Variants in CAMK1D observed in about 807,000 individuals in gnomAD.
CAMK1D encodes the protein calcium/calmodulin-dependent protein kinase type 1D.
In CAMK1D, 9 loss-of-function variants were observed where a neutral mutation model predicts 47.7. The observed-to-expected ratio is 0.19, with a 90% CI of 0.11 to 0.33. The LOEUF is 0.33. Ranked by LOEUF, CAMK1D falls within the 10% of genes least tolerant of loss-of-function variation. CAMK1D has a pLI of 1.00. For synonymous variants in CAMK1D, 184 were observed against 184.9 expected, an observed-to-expected ratio of 0.99 and a Z score of 0.04; for missense variants, 291 against 488.7, an observed-to-expected ratio of 0.60 and a Z score of 3.81.
At chr10:12,681,666 C>G (rs545253314) in intron 3 of CAMK1D, among the ~76,000 whole-genome samples, 2 of 152,302 alleles carry the variant, frequency 1.3e-5, no homozygotes, top group East Asian at 3.9e-4. Flanking sequence ...GCCCCATAGT[C>G]TTTGAAGAAG....
Position 12,734,423 on chromosome 10 carries a change from T to C in CAMK1D, c.300-26525T>C, listed in dbSNP as rs1234654309. Among the ~76,000 whole-genome samples the C allele has an allele frequency of 2.6e-3, 47 of 17,990 alleles. 1 individual carries two copies. Among genetic ancestry groups the C allele is most frequent in the Middle Eastern group, 0.021 (1 of 48 alleles). 11.8% of individuals were successfully genotyped at this position (17,990 alleles called of 152,430 possible). A position where few individuals can be genotyped will look rare whatever the true frequency, so the allele number is the denominator to read the frequency against. ...ATATATATACACACACACACACATG[T>C]ATATATATATACACACACACATATG... On this transcript the variant is annotated intron_variant, in intron 3 of 10. Transcript: ENST00000619168.
intron 1 of CAMK1D, among the ~76,000 whole-genome samples, chr10:12,464,244 G>A (rs1477630933): frequency 6.6e-6 from 1 of 152,178 alleles, no homozygotes; most frequent in East Asian, 1.9e-4. Context: ...ACACTCTGCA[G>A]ATACCTAGCA....
intron 1 of CAMK1D, among the ~76,000 whole-genome samples, chr10:12,387,100 A>G (rs921867796): frequency 1.1e-4 from 17 of 150,792 alleles, no homozygotes; most frequent in Non-Finnish European, 2.2e-4. Flanking sequence ...GCTACTCAGG[A>G]GGGTGAGGCA....
chr10:12,807,744 G>A (rs1055876078), intron 6 of CAMK1D, among the ~76,000 whole-genome samples: 7 of 152,102 alleles, frequency 4.6e-5, no homozygotes, highest in South Asian at 2.1e-4. Flanking sequence ...TGGTTACACC[G>A]TCCTACACCA....
At chr10:12,485,394 G>T (rs966042388) in intron 1 of CAMK1D, among the ~76,000 whole-genome samples, 44 of 152,170 alleles carry the variant, frequency 2.9e-4, no homozygotes, top group African/African-American at 1.0e-3. Context: ...TCGTGGGGGA[G>T]GGAGTAGAAA....
intron 1 of CAMK1D, among the ~76,000 whole-genome samples, chr10:12,416,712 G>A (rs566208781): frequency 6.6e-6 from 1 of 152,328 alleles, no homozygotes; most frequent in Admixed American, 6.5e-5. Flanking sequence ...GAGAGAAGCA[G>A]AACTCACTTG....
At chr10:12,752,000 G>C (rs1201287119) in intron 3 of CAMK1D, among the ~76,000 whole-genome samples, 3 of 128,854 alleles carry the variant, frequency 2.3e-5, no homozygotes, top group African/African-American at 5.9e-5. Context: ...TTTTTTTTTT[G>C]AGGTGGAGTC....
chr10:12,708,170 C>G (rs978064128), intron 3 of CAMK1D, among the ~76,000 whole-genome samples: 1 of 152,210 alleles, frequency 6.6e-6, no homozygotes, highest in African/African-American at 2.4e-5. Context: ...ATAGTCCCCC[C>G]AGAGGTTCCA....
rs369749991 is a variant in CAMK1D at position 12,400,693 on chromosome 10, C to T, written c.92+50783C>T. 1.7e-4 allele frequency among the ~76,000 whole-genome samples: 26 copies of T among 152,044 alleles called. 1 individual carries two copies. The South Asian group carries it at 5.2e-3, about 30-fold the overall frequency. ...GATGTGACCTGATTTCTCTGGAATC[C>T]CCACTTGAGGGCTTTATGTTTTCAC... On this transcript the variant is annotated intron_variant, in intron 1 of 10. Coordinates refer to ENST00000619168, the MANE Select transcript of CAMK1D (RefSeq NM_153498.4).
chr10:12,577,776 A>G (rs1428692629), intron 2 of CAMK1D, among the ~76,000 whole-genome samples: 1 of 152,186 alleles, frequency 6.6e-6, no homozygotes. Context: ...CTTGGCTGAC[A>G]TCGTTAACTC....
At chr10:12,786,640 C>G (rs894628837) in intron 5 of CAMK1D, among the ~76,000 whole-genome samples, 15 of 152,214 alleles carry the variant, frequency 9.9e-5, no homozygotes, top group Admixed American at 9.2e-4. Context: ...CTCACTGCAG[C>G]TTCCAACTCT....
intron 1 of CAMK1D, among the ~76,000 whole-genome samples, chr10:12,496,081 G>C (rs1018117190): frequency 6.6e-6 from 1 of 151,846 alleles, no homozygotes; most frequent in Non-Finnish European, 1.5e-5. Context: ...CTCCTGCCTC[G>C]GCCTCCCAAA....
chr10:12,673,478 T>C (rs1319401686), intron 3 of CAMK1D, among the ~76,000 whole-genome samples: 1 of 152,336 alleles, frequency 6.6e-6, no homozygotes, highest in East Asian at 1.9e-4. Context: ...TTGATTTTTG[T>C]GCATTAGCCT....
intron 5 of CAMK1D, among the ~76,000 whole-genome samples, chr10:12,770,024 T>C (rs1836968479): frequency 1.3e-5 from 2 of 152,232 alleles, no homozygotes; most frequent in South Asian, 4.1e-4. Context: ...CACAGTTGGG[T>C]AGAAATCCCA....
intron 1 of CAMK1D, among the ~76,000 whole-genome samples, chr10:12,412,944 A>G (rs1305065766): frequency 1.3e-5 from 2 of 152,116 alleles, no homozygotes; most frequent in African/African-American, 4.8e-5. Flanking sequence ...TTGTGGTGGA[A>G]CTAAGATTCT....
chr10:12,708,748 A>T (rs1833823379), intron 3 of CAMK1D, among the ~76,000 whole-genome samples: 1 of 151,734 alleles, frequency 6.6e-6, no homozygotes. Flanking sequence ...GTTGTTAGGG[A>T]CTCTTTGGTA....
intron 1 of CAMK1D, among the ~76,000 whole-genome samples, chr10:12,500,907 A>T (rs980077950): frequency 7.9e-5 from 12 of 152,244 alleles, no homozygotes; most frequent in Non-Finnish European, 1.5e-4. Context: ...ACACTTTCGC[A>T]TAGATTGCTT....
rs571222707 is a variant in CAMK1D at position 12,420,513 on chromosome 10, T to A, written c.92+70603T>A. 5.9e-5 allele frequency among the ~76,000 whole-genome samples: 9 copies of A among 152,334 alleles called. No homozygotes were observed. In the East Asian group the frequency reaches 7.7e-4, roughly 13 times the overall value. On this transcript the variant is annotated intron_variant, in intron 1 of 10. Transcript: ENST00000619168. ...GTAACTGAGGTTTACTAATTAACCC[T>A]TATTGATTTGTTTGGGACTTTTTGG...
At chr10:12,392,891 C>T (rs1462207173) in intron 1 of CAMK1D, among the ~76,000 whole-genome samples, 1 of 149,110 alleles carries the variant, frequency 6.7e-6, no homozygotes, top group Non-Finnish European at 1.5e-5. Context: ...CATAGTAAGC[C>T]TCAATTTTTC....
Sources: allele counts gnomAD v4.1 joint callset (sites outside exome capture counted in the v4.1 genomes callset), GRCh38; gene constraint gnomAD v4.1.1; transcripts MANE v1.5; gene names NCBI Gene and HGNC (gene_info 2026-07-23, HGNC 2026-07-21).